Variants in MYO9B observed in about 807,000 individuals in gnomAD.
The protein encoded by MYO9B is unconventional myosin-IXb.
A neutral mutation model predicts 229.5 loss-of-function variants in MYO9B; 71 were observed. The ratio of observed to expected loss-of-function variants is 0.31; its 90% CI spans 0.26 to 0.38. The LOEUF (loss-of-function observed/expected upper bound fraction) is 0.38. Ranked by LOEUF, MYO9B falls within the 10% of genes least tolerant of loss-of-function variation. MYO9B has a pLI of 1.00. For missense variants in MYO9B, 2,255 were observed against 2,920.5 expected, an observed-to-expected ratio of 0.77 and a Z score of 5.25; for synonymous variants, 1,185 against 1,235.8, an observed-to-expected ratio of 0.96 and a Z score of 0.86.
intron 15 of MYO9B, among the ~76,000 whole-genome samples, chr19:17,183,374 G>A (rs2072882203): frequency 6.6e-6 from 1 of 152,168 alleles, no homozygotes; most frequent in South Asian, 2.1e-4. Context: ...CCAGCACATG[G>A]CAAAGACAGC....
intron 2 of MYO9B, among the ~76,000 whole-genome samples, chr19:17,135,703 G>C (rs2072261236): frequency 6.6e-6 from 1 of 152,046 alleles, no homozygotes; most frequent in African/African-American, 2.4e-5. Context: ...TTGGTGCACG[G>C]GGTAATCGGG....
intron 2 of MYO9B, among the ~76,000 whole-genome samples, chr19:17,125,616 C>T (rs2058009250): frequency 6.6e-6 from 1 of 152,156 alleles, no homozygotes; most frequent in South Asian, 2.1e-4. Flanking sequence ...CGTCCTAGCC[C>T]TGGGAGTCCT....
intron 35 of MYO9B, 48 bp from the exon 36 acceptor site, chr19:17,209,538 C>G: frequency 6.5e-7 from 1 of 1,547,166 alleles, no homozygotes. Context: ...CCTCAGACGT[C>G]CCCGGGGCGG....
intron 14 of MYO9B, among the ~76,000 whole-genome samples, chr19:17,180,212 G>A (rs187694363): frequency 0.04 from 5,802 of 144,000 alleles, 153 homozygotes; most frequent in Middle Eastern, 0.097. Flanking sequence ...CAGCCTGGGC[G>A]ACAGAGTGAG....
At chr19:17,187,161 C>T (rs561449408) in intron 18 of MYO9B, among the ~76,000 whole-genome samples, 2 of 152,336 alleles carry the variant, frequency 1.3e-5, no homozygotes, top group South Asian at 4.1e-4. Context: ...TGGCAGGAAG[C>T]ATCTCCCTGT....
intron 2 of MYO9B, among the ~76,000 whole-genome samples, chr19:17,103,087 T>C (rs1029470537): frequency 6.8e-6 from 1 of 147,552 alleles, no homozygotes; most frequent in Admixed American, 6.8e-5. Flanking sequence ...CGAAGTGCGG[T>C]GGCACACATT....
rs780424504 is a variant in MYO9B, at chr19:17,206,671, G to T, written c.5387-8G>T. The T allele has an allele frequency of 2.6e-6, 4 of 1,562,786 alleles. No homozygotes were observed. The East Asian group carries it at 9.6e-5, about 38-fold the overall frequency. On this transcript the variant is annotated splice_region_variant and splice_polypyrimidine_tract_variant and intron_variant, in intron 33 of 39. Transcript: ENST00000682292. ...GGAGCTGACGTCCTCAAACCCCACT[G>T]CCTGCAGAGCTGCCGGAGAAGCAGG...
At chr19:17,174,656 C>G (rs568537200) in intron 13 of MYO9B, among the ~76,000 whole-genome samples, 1 of 150,964 alleles carries the variant, frequency 6.6e-6, no homozygotes, top group Non-Finnish European at 1.5e-5. Flanking sequence ...ATAAATAGGC[C>G]GGACACGGTG....
chr19:17,090,118 C>CTCTTTTT (rs2057622813), intron 1 of MYO9B, among the ~76,000 whole-genome samples: 1 of 49,176 alleles, frequency 2.0e-5, no homozygotes, highest in East Asian at 6.2e-4. Context: ...TGCTTCCTTC[C>CTCTTTTT]TTTTTTTTTT....
chr19:17,117,617 G>A (rs761425125), intron 2 of MYO9B, among the ~76,000 whole-genome samples: 58 of 152,044 alleles, frequency 3.8e-4, no homozygotes, highest in African/African-American at 1.4e-3. Context: ...AGTGAATTAC[G>A]GCCACCTCTG....
At position 17,168,000 on chromosome 19, in the gene MYO9B, G is replaced by A. The variant is rs781455249; in HGVS notation, c.1729G>A (p.Gly577Ser). The A allele has an allele frequency of 6.2e-6, 10 of 1,608,132 alleles. No individual in the cohort carries two copies. Among genetic ancestry groups the A allele is most frequent in the East Asian group, 2.2e-5 (1 of 44,686 alleles). ...CAACATCGGCTACACAGACAATGTC[G>A]GCTGCATCCATCTCATCAGCAAGAA... ...WHNIGYTDNV[G>S]CIHLISKKPT... The change falls in exon 11 of 40, where the codon GGC (glycine) becomes AGC (serine). Residue 577 changes from glycine (G) to serine (S), a missense_variant. Gly to Ser is a moderately conservative substitution (Grantham distance 56). This residue lies in a region of MYO9B where 220 missense variants were observed against 404.5 expected (regional missense o/e 0.54). Transcript: ENST00000682292.
At chr19:17,164,371 C>A (rs1227566850) in intron 10 of MYO9B, among the ~76,000 whole-genome samples, 1 of 150,032 alleles carries the variant, frequency 6.7e-6, no homozygotes. Context: ...ACATTGATAA[C>A]CTATCTGACG....
chr19:17,155,806 C>T (rs959203840), intron 6 of MYO9B, among the ~76,000 whole-genome samples: 2 of 152,022 alleles, frequency 1.3e-5, no homozygotes, highest in African/African-American at 4.8e-5. Flanking sequence ...ATTGCCTGAG[C>T]TCACGAGTTC....
At chr19:17,118,681 C>T (rs951112620) in intron 2 of MYO9B, among the ~76,000 whole-genome samples, 3 of 152,066 alleles carry the variant, frequency 2.0e-5, no homozygotes, top group African/African-American at 7.2e-5. Context: ...CATGGTTTCG[C>T]CATGTTGGCC....
intron 3 of MYO9B, among the ~76,000 whole-genome samples, chr19:17,147,671 A>G (rs2072428283): frequency 8.0e-6 from 1 of 124,378 alleles, no homozygotes; most frequent in African/African-American, 3.3e-5. Context: ...CACTATGTTT[A>G]ATTTTTTTTT....
chr19:17,089,515 C>A (rs561058672), intron 1 of MYO9B, among the ~76,000 whole-genome samples: 1 of 152,312 alleles, frequency 6.6e-6, no homozygotes, highest in Admixed American at 6.5e-5. Context: ...ATTCCGAATC[C>A]TCCGCCAAAC....
chr19:17,159,502 A>C lies in MYO9B; in HGVS notation c.1419+18A>C. On this transcript the variant is annotated intron_variant, in intron 8 of 39. Coordinates refer to ENST00000682292, the MANE Select transcript of MYO9B (RefSeq NM_004145.4). ...TCAGCGAGGTGAGCTCTGCCCAGGC[A>C]CTCACAGGGTGCCAGATCCCAAAAA... 6.3e-7 allele frequency: 1 copy of C among 1,597,164 alleles called. No homozygotes were observed. Among genetic ancestry groups the C allele is most frequent in the East Asian group, 2.3e-5 (1 of 44,356 alleles).
intron 16 of MYO9B, 116 bp downstream of exon 16, chr19:17,183,984 T>G: frequency 1.0e-6 from 1 of 993,348 alleles, no homozygotes; most frequent in Non-Finnish European, 1.5e-6. Flanking sequence ...TATCTCCCCC[T>G]CCCTCCAAGA....
In MYO9B at chr19:17,193,167, A is replaced by C; in HGVS notation, c.3128+105A>C. 1 of 1,251,386 alleles carries C rather than the reference A, an allele frequency of 8.0e-7. No homozygotes were observed. Among genetic ancestry groups the C allele is most frequent in the Non-Finnish European group, 1.1e-6 (1 of 948,278 alleles). 77.5% of individuals were successfully genotyped at this position (1,251,386 alleles called of 1,614,324 possible). On this transcript the variant is annotated intron_variant, in intron 21 of 39. Coordinates refer to ENST00000682292, the MANE Select transcript of MYO9B (RefSeq NM_004145.4). This position sits in a 1 kb window ranked among gnomAD's most constrained non-coding sequence, Gnocchi z 4.3. ...CCATCTGGCCTGTGGCACTAAGGGG[A>C]TGTCATTCTGGACACAGGGAAAGGC...
Sources: allele counts gnomAD v4.1 joint callset (sites outside exome capture counted in the v4.1 genomes callset), GRCh38; gene constraint gnomAD v4.1.1; regional missense constraint gnomAD v4.1.1; non-coding constraint Gnocchi (gnomAD v3.1); transcripts MANE v1.5; gene names NCBI Gene and HGNC (gene_info 2026-07-23, HGNC 2026-07-21).